The following PHACTR4 variants were observed in gnomAD, a reference collection of about 807,000 sequenced individuals.
PHACTR4 encodes the protein protein phosphatase 1, regulatory subunit 124.
Under a neutral mutation model 72.7 loss-of-function variants are expected in PHACTR4, and 51 were observed. The ratio of observed to expected loss-of-function variants is 0.70; its 90% CI spans 0.56 to 0.89. The LOEUF (loss-of-function observed/expected upper bound fraction) is 0.89, where lower values mean the gene tolerates loss of function less well. Among genes scored for constraint, PHACTR4 ranks in the 40% least tolerant of loss-of-function variants. The probability of loss-of-function intolerance (pLI) is 0.00; values close to 1 mark genes in which losing one functional copy is unlikely to be tolerated. For synonymous variants in PHACTR4, 255 were observed against 302.5 expected, an observed-to-expected ratio of 0.84 and a Z score of 1.63; for missense variants, 731 against 861.8, an observed-to-expected ratio of 0.85 and a Z score of 1.90.
Position 28,491,778 on chromosome 1 carries a change from T to G in PHACTR4, c.2007T>G (p.Pro669=). 6.2e-7 allele frequency: 1 copy of G among 1,613,132 alleles called. No individual in the cohort carries two copies. The highest frequency in any genetic ancestry group is 8.5e-7 in the Non-Finnish European group (1 of 1,179,708). ...RADKPWTKLT[P]ADKAAIRKEL... ...ACAAACCTTGGACCAAACTGACCCC[T>G]GCTGACAAGGTACCTGGAAAGCACT... Residue 669 remains proline, a synonymous_variant, in exon 12 of 14, where the codon CCT becomes CCG. Coordinates refer to ENST00000373839, the MANE Select transcript of PHACTR4 (RefSeq NM_001048183.3).
intron 1 of PHACTR4, among the ~76,000 whole-genome samples, chr1:28,401,360 G>T (rs1224537294): frequency 1.4e-5 from 2 of 145,624 alleles, no homozygotes; most frequent in Non-Finnish European, 3.0e-5. Flanking sequence ...AGGCTGGAGT[G>T]CAGTGGCACG....
At chr1:28,411,492 G>C (rs961909189) in intron 2 of PHACTR4, among the ~76,000 whole-genome samples, 3 of 152,036 alleles carry the variant, frequency 2.0e-5, no homozygotes, top group Non-Finnish European at 2.9e-5. Flanking sequence ...ATGTTATAAT[G>C]ATTTTTTTCT....
intron 1 of PHACTR4, among the ~76,000 whole-genome samples, chr1:28,378,226 G>T (rs960967906): frequency 1.0e-5 from 1 of 99,880 alleles, no homozygotes; most frequent in Non-Finnish European, 2.0e-5. Flanking sequence ...ATTTGGCCAG[G>T]CGCAGTGGCT....
At chr1:28,402,304 C>T (rs532228003) in intron 1 of PHACTR4, among the ~76,000 whole-genome samples, 3 of 152,186 alleles carry the variant, frequency 2.0e-5, no homozygotes, top group South Asian at 2.1e-4. Context: ...AGAGTTTGTT[C>T]TTTAAAACAT....
At chr1:28,408,076 C>T (rs1430345261) in intron 2 of PHACTR4, among the ~76,000 whole-genome samples, 10 of 152,334 alleles carry the variant, frequency 6.6e-5, no homozygotes, top group Middle Eastern at 3.4e-3. Flanking sequence ...GCTGAGATCG[C>T]GCCACTGCGC....
chr1:28,380,143 G>A (rs376268342), intron 1 of PHACTR4, among the ~76,000 whole-genome samples: 6 of 132,502 alleles, frequency 4.5e-5, no homozygotes, highest in Non-Finnish European at 6.2e-5. Flanking sequence ...TGCAAGCTCC[G>A]CCTCCCAGGT....
At chr1:28,391,745 A>G (rs1653061398) in intron 1 of PHACTR4, among the ~76,000 whole-genome samples, 1 of 151,344 alleles carries the variant, frequency 6.6e-6, no homozygotes, top group Admixed American at 6.6e-5. Context: ...AGCTGGAATT[A>G]CAGGCATGCA....
At chr1:28,435,224 T>C (rs1326396015) in intron 2 of PHACTR4, among the ~76,000 whole-genome samples, 1 of 152,212 alleles carries the variant, frequency 6.6e-6, no homozygotes, top group African/African-American at 2.4e-5. Flanking sequence ...AAGCACTTTA[T>C]TTCTGTTCAT....
At chr1:28,486,832 C>G (rs1448324322) in intron 9 of PHACTR4, among the ~76,000 whole-genome samples, 1 of 151,192 alleles carries the variant, frequency 6.6e-6, no homozygotes, top group Non-Finnish European at 1.5e-5. Context: ...GCACTCCAGC[C>G]TGGGCGACAG....
At chr1:28,404,276 C>CTTTT (rs58454588) in intron 1 of PHACTR4, among the ~76,000 whole-genome samples, 14 of 101,410 alleles carry the variant, frequency 1.4e-4, no homozygotes, top group Admixed American at 2.3e-4. Flanking sequence ...TATGAACATC[C>CTTTT]TTTTTTTTTT....
At position 28,438,957 on chromosome 1, in the gene PHACTR4, T is replaced by C. The variant is rs1265929533; in HGVS notation, c.17-20128T>C. On this transcript the variant is annotated intron_variant, in intron 2 of 13. Transcript: ENST00000373839. ...AAGTCAACACTTTGATATAAACTTT[T>C]CTGAAGTTAGTACTTTACATTTGAA... 2.0e-5 allele frequency among the ~76,000 whole-genome samples: 3 copies of C among 152,294 alleles called. No individual in the cohort carries two copies. In the East Asian group the frequency reaches 5.8e-4, roughly 29 times the overall value.
intron 2 of PHACTR4, among the ~76,000 whole-genome samples, chr1:28,435,037 A>C (rs1452131604): frequency 6.6e-6 from 1 of 152,168 alleles, no homozygotes; most frequent in East Asian, 1.9e-4. Flanking sequence ...ATTCAAGGTA[A>C]TGCTTTTATC....
In PHACTR4 at chr1:28,496,575, C is replaced by G; in HGVS notation, c.*26C>G. ...TGCCAAAGGTTGAGAGAGGAATCAA[C>G]ATGGCTGCTTTGCTGCTTCCTTCTC... On this transcript the variant is annotated 3_prime_UTR_variant, in exon 14 of 14. Coordinates refer to ENST00000373839, the MANE Select transcript of PHACTR4 (RefSeq NM_001048183.3). The G allele has an allele frequency of 6.2e-7, 1 of 1,613,310 alleles. No individual in the cohort carries two copies. The highest frequency in any genetic ancestry group is 1.1e-5 in the South Asian group (1 of 91,084).
chr1:28,471,596 G>A (rs531828358), intron 6 of PHACTR4, among the ~76,000 whole-genome samples: 2 of 151,054 alleles, frequency 1.3e-5, no homozygotes, highest in African/African-American at 4.9e-5. Context: ...ACTCCTGTGT[G>A]ATCTGATGAT....
At chr1:28,468,412 G>A (rs1471540844) in intron 6 of PHACTR4, among the ~76,000 whole-genome samples, 1 of 152,064 alleles carries the variant, frequency 6.6e-6, no homozygotes, top group Non-Finnish European at 1.5e-5. Flanking sequence ...CCAACATGGT[G>A]AAACGCCATC....
At chr1:28,458,440 G>A (rs764179701) in intron 2 of PHACTR4, among the ~76,000 whole-genome samples, 1 of 152,044 alleles carries the variant, frequency 6.6e-6, no homozygotes, top group Non-Finnish European at 1.5e-5. Context: ...GAGCCACTGT[G>A]CTCAGCCTAT....
chr1:28,443,069 A>G (rs567888825), intron 2 of PHACTR4, among the ~76,000 whole-genome samples: 1 of 151,944 alleles, frequency 6.6e-6, no homozygotes, highest in Non-Finnish European at 1.5e-5. Flanking sequence ...ATCTTTCCCT[A>G]CCCATCCCTT....
chr1:28,453,614 G>T, intron 2 of PHACTR4: 1 of 1,190,844 alleles, frequency 8.4e-7, no homozygotes, highest in Non-Finnish European at 1.2e-6. Flanking sequence ...CTTCTACAGT[G>T]AGGTGAAACA....
chr1:28,480,386 A>G, intron 8 of PHACTR4, 65 bp from the exon 9 acceptor site: 1 of 1,568,208 alleles, frequency 6.4e-7, no homozygotes, highest in Admixed American at 1.7e-5. Flanking sequence ...GACTAGCTCC[A>G]GGTAAGGTTG....
Sources: gnomAD v4.1 joint callset for allele counts (sites outside exome capture counted in the v4.1 genomes callset) on GRCh38, gnomAD v4.1.1 for gene constraint, MANE v1.5 for transcripts, NCBI Gene and HGNC (gene_info 2026-07-23, HGNC 2026-07-21) for gene names.